AUTS2: variants seen among roughly 807,000 people sequenced by gnomAD.
AUTS2 encodes the protein autism susceptibility gene 2 protein.
A neutral mutation model predicts 112.4 loss-of-function variants in AUTS2; 17 were observed. That is an observed-to-expected ratio of 0.15 (90% confidence interval 0.10 to 0.23). AUTS2 has a LOEUF of 0.23. Ranked by LOEUF, AUTS2 falls within the 10% of genes least tolerant of loss-of-function variation. The pLI, the probability that AUTS2 is intolerant of heterozygous loss-of-function variation, is 1.00. For missense variants in AUTS2, 1,510 were observed against 1,701.6 expected, an observed-to-expected ratio of 0.89 and a Z score of 1.98; for synonymous variants, 751 against 702.7, an observed-to-expected ratio of 1.07 and a Z score of -1.09.
rs77700666 is a variant in AUTS2, at chr7:70,418,232, A to G, written c.661-17520A>G. Among the ~76,000 whole-genome samples the G allele has an allele frequency of 6.3e-4, 96 of 152,220 alleles. No individual in the cohort carries two copies. In the East Asian group the frequency reaches 0.017, roughly 27 times the overall value. On this transcript the variant is annotated intron_variant, in intron 4 of 18. Coordinates refer to ENST00000342771, the MANE Select transcript of AUTS2 (RefSeq NM_015570.4). ...GGATTACAGGCATGAGCCACTATGC[A>G]TGGCCTGGTGGCTGACTGTCATAGA...
chr7:70,381,551 A>T (rs1230290004), intron 4 of AUTS2, among the ~76,000 whole-genome samples: 1 of 152,198 alleles, frequency 6.6e-6, no homozygotes, highest in Non-Finnish European at 1.5e-5. Flanking sequence ...ATGTAAGAAA[A>T]TTTTAATAAT....
In AUTS2 at chr7:69,599,553, A is replaced by C. The variant is rs1792253674; in HGVS notation, c.-101A>C. ...CCGCGCCCTCCTCGGGGCGGAGGGAAGCCGTGAAGGGGGAGGGAGGGCTCG... is the reference window on the plus strand; with the variant it reads ...CCGCGCCCTCCTCGGGGCGGAGGGACGCCGTGAAGGGGGAGGGAGGGCTCG... On this transcript the variant is annotated 5_prime_UTR_variant, in exon 1 of 19. Transcript: ENST00000342771. The surrounding 1 kb of genome is among the most constrained non-coding windows in gnomAD (Gnocchi z 7.0). 2.7e-6 allele frequency: 3 copies of C among 1,095,604 alleles called. No homozygotes were observed. The highest frequency in any genetic ancestry group is 4.6e-5 in the South Asian group (1 of 21,792). 67.9% of individuals were successfully genotyped at this position (1,095,604 alleles called of 1,614,324 possible). A position where few individuals can be genotyped will look rare whatever the true frequency, so the allele number is the denominator to read the frequency against.
intron 1 of AUTS2, among the ~76,000 whole-genome samples, chr7:69,663,764 A>G (rs1795910849): frequency 6.6e-6 from 1 of 152,224 alleles, no homozygotes; most frequent in Non-Finnish European, 1.5e-5. Context: ...ATCTGAAGGT[A>G]TAGTGATCAG....
At chr7:70,686,860 T>G (rs987753231) in intron 5 of AUTS2, among the ~76,000 whole-genome samples, 1 of 152,098 alleles carries the variant, frequency 6.6e-6, no homozygotes, top group Non-Finnish European at 1.5e-5. Context: ...ATTCATTCAT[T>G]TATTTGTTTT....
At chr7:69,925,152 C>T (rs1193832875) in intron 2 of AUTS2, among the ~76,000 whole-genome samples, 1 of 152,042 alleles carries the variant, frequency 6.6e-6, no homozygotes, top group African/African-American at 2.4e-5. Context: ...CCTTTCCTCC[C>T]CTCTTCTCTC....
chr7:70,108,783 C>CAAAAAA lies in AUTS2; in HGVS notation c.523-9323_523-9318dup, dbSNP rs528009205. 1.4e-3 allele frequency among the ~76,000 whole-genome samples: 96 copies of CAAAAAA among 69,154 alleles called. 9 individuals are homozygous for CAAAAAA. Among genetic ancestry groups the CAAAAAA allele is most frequent in the African/African-American group, 4.2e-3 (78 of 18,512 alleles). 45.4% of individuals were successfully genotyped at this position (69,154 alleles called of 152,430 possible). A position where few individuals can be genotyped will look rare whatever the true frequency, so the allele number is the denominator to read the frequency against. ...TTCCAGACCAGCCTGGCCAACATGG[C>CAAAAAA]AAAAAAAAAAAAAAAAAAAAAAAAA... is the stretch of plus-strand genomic sequence containing the variant. On this transcript the variant is annotated intron_variant, in intron 2 of 18. Coordinates refer to ENST00000342771, the MANE Select transcript of AUTS2 (RefSeq NM_015570.4).
At chr7:70,417,199 A>C (rs751681044) in intron 4 of AUTS2, among the ~76,000 whole-genome samples, 2 of 152,308 alleles carry the variant, frequency 1.3e-5, no homozygotes, top group Middle Eastern at 3.4e-3. Flanking sequence ...TCCCCAGCTA[A>C]TTTTAATACA....
intron 5 of AUTS2, among the ~76,000 whole-genome samples, chr7:70,577,732 C>T (rs1233304494): frequency 6.6e-6 from 1 of 152,132 alleles, no homozygotes; most frequent in African/African-American, 2.4e-5. Flanking sequence ...AACATGAAAA[C>T]AATTTACTAA....
intron 1 of AUTS2, among the ~76,000 whole-genome samples, chr7:69,684,921 T>C (rs908225960): frequency 6.6e-6 from 1 of 152,228 alleles, no homozygotes; most frequent in Non-Finnish European, 1.5e-5. Flanking sequence ...GATGCGTCTT[T>C]CCTGGCAGTT....
chr7:70,650,777 C>T (rs1020994549), intron 5 of AUTS2, among the ~76,000 whole-genome samples: 1 of 152,204 alleles, frequency 6.6e-6, no homozygotes, highest in South Asian at 2.1e-4. Flanking sequence ...TCATTTTACA[C>T]GCAAAGCAAA....
In AUTS2 at chr7:69,825,438, T is replaced by C. The variant is rs560962559; in HGVS notation, c.310-73848T>C. Among the ~76,000 whole-genome samples the C allele has an allele frequency of 5.9e-5, 9 of 152,328 alleles. No individual in the cohort carries two copies. In the South Asian group the frequency reaches 1.7e-3, roughly 28 times the overall value. On this transcript the variant is annotated intron_variant, in intron 1 of 18. Transcript: ENST00000342771. ...GAGGCTCTCCTCCGAAAGCACTGTC[T>C]TAATGGAAGAACCAGTGGCATGAGA...
intron 6 of AUTS2, among the ~76,000 whole-genome samples, chr7:70,737,088 T>A (rs1229281970): frequency 6.6e-6 from 1 of 152,218 alleles, no homozygotes; most frequent in Non-Finnish European, 1.5e-5. Context: ...TTTATTTTCC[T>A]TTTACTTCTT....
chr7:70,289,459 C>T (rs916833448), intron 4 of AUTS2, among the ~76,000 whole-genome samples: 15 of 152,206 alleles, frequency 9.9e-5, no homozygotes, highest in Non-Finnish European at 1.5e-5. Flanking sequence ...GAGGAATGTC[C>T]TATGGGTTGC....
At chr7:69,833,353 T>C (rs1791581482) in intron 1 of AUTS2, among the ~76,000 whole-genome samples, 2 of 152,216 alleles carry the variant, frequency 1.3e-5, no homozygotes, top group South Asian at 4.1e-4. Flanking sequence ...ATAATTATAA[T>C]TGGATCTCAA....
intron 5 of AUTS2, among the ~76,000 whole-genome samples, chr7:70,614,615 C>T (rs1261807327): frequency 6.6e-6 from 1 of 152,162 alleles, no homozygotes; most frequent in Non-Finnish European, 1.5e-5. Context: ...GCTTCAGAGG[C>T]GTGGCTTTTG....
At chr7:69,888,521 C>A (rs1478753440) in intron 1 of AUTS2, among the ~76,000 whole-genome samples, 2 of 140,550 alleles carry the variant, frequency 1.4e-5, no homozygotes, top group Non-Finnish European at 3.0e-5. Context: ...TCCTCTTAGG[C>A]CCCACCTCCA....
intron 1 of AUTS2, among the ~76,000 whole-genome samples, chr7:69,833,669 A>G (rs1427849287): frequency 2.6e-5 from 4 of 152,164 alleles, no homozygotes; most frequent in African/African-American, 9.7e-5. Context: ...TCCTAACCTC[A>G]GGTGATCCGC....
chr7:70,214,424 T>C (rs1811070469), intron 4 of AUTS2, among the ~76,000 whole-genome samples: 2 of 152,172 alleles, frequency 1.3e-5, no homozygotes, highest in Non-Finnish European at 2.9e-5. Context: ...GCATTCATTT[T>C]CAACTTAGCT....
chr7:70,056,745 A>G (rs534662858), intron 2 of AUTS2, among the ~76,000 whole-genome samples: 2 of 152,326 alleles, frequency 1.3e-5, no homozygotes, highest in South Asian at 4.1e-4. Flanking sequence ...AGGTGACACC[A>G]CTAGAGACAT....
Sources: allele counts gnomAD v4.1 joint callset (sites outside exome capture counted in the v4.1 genomes callset), GRCh38; gene constraint gnomAD v4.1.1; non-coding constraint Gnocchi (gnomAD v3.1); transcripts MANE v1.5; gene names NCBI Gene and HGNC (gene_info 2026-07-23, HGNC 2026-07-21).